Variants in BZW2 observed in about 807,000 individuals in gnomAD.
BZW2 encodes the protein eIF5-mimic protein 1.
BZW2 carries 23 observed loss-of-function variants against 53.2 expected under a neutral mutation model. The observed-to-expected ratio is 0.43, with a 90% CI of 0.31 to 0.61. BZW2 has a LOEUF of 0.61. BZW2 is among the 20% of genes least tolerant of loss of function. BZW2 has a pLI of 0.09. For synonymous variants in BZW2, 227 were observed against 186.4 expected (o/e 1.22, Z -1.77); for missense variants, 409 against 503.1 (o/e 0.81, Z 1.79).
intron 1 of BZW2, among the ~76,000 whole-genome samples, chr7:16,648,337 A>G (rs1373090141): frequency 6.6e-6 from 1 of 152,244 alleles, no homozygotes; most frequent in African/African-American, 2.4e-5. Context: ...CAACCCAGGA[A>G]TGAGCCAATA....
At chr7:16,656,330 T>C (rs545507990) in intron 1 of BZW2, among the ~76,000 whole-genome samples, 3 of 152,150 alleles carry the variant, frequency 2.0e-5, no homozygotes, top group East Asian at 1.9e-4. Flanking sequence ...TGTTTCCTCA[T>C]GATTAGCTAT....
At chr7:16,696,610 C>G (rs1783498275) in intron 8 of BZW2, among the ~76,000 whole-genome samples, 1 of 152,196 alleles carries the variant, frequency 6.6e-6, no homozygotes, top group African/African-American at 2.4e-5. Flanking sequence ...TCAAGTATCC[C>G]TACTCTACTA....
intron 2 of BZW2, among the ~76,000 whole-genome samples, chr7:16,666,020 C>G (rs1237166411): frequency 6.6e-6 from 1 of 152,062 alleles, no homozygotes; most frequent in African/African-American, 2.4e-5. Flanking sequence ...TTGATGATGA[C>G]TGGTAAAATT....
chr7:16,652,713 C>T (rs559099769), intron 1 of BZW2, among the ~76,000 whole-genome samples: 64 of 152,068 alleles, frequency 4.2e-4, no homozygotes, highest in African/African-American at 1.5e-3. Flanking sequence ...TTAGTACAGA[C>T]GGGGTTTCAC....
intron 6 of BZW2, 98 bp downstream of exon 6, chr7:16,686,138 A>G (rs764696546): frequency 3.3e-6 from 5 of 1,501,008 alleles, no homozygotes; most frequent in Non-Finnish European, 2.7e-6. Flanking sequence ...GGTGTCCTCT[A>G]TTACTCATTC....
chr7:16,658,238 T>A (rs1395340568), intron 1 of BZW2, among the ~76,000 whole-genome samples: 1 of 152,182 alleles, frequency 6.6e-6, no homozygotes, highest in African/African-American at 2.4e-5. Context: ...ATTCCTAGAA[T>A]GAAAGGATTT....
chr7:16,700,323 A>G (rs911260842), intron 10 of BZW2, among the ~76,000 whole-genome samples: 4 of 152,126 alleles, frequency 2.6e-5, no homozygotes, highest in Non-Finnish European at 5.9e-5. Context: ...TGTGTTAACT[A>G]TGTTTACCAT....
At chr7:16,701,932 G>C (rs565131472) in intron 10 of BZW2, among the ~76,000 whole-genome samples, 1 of 152,130 alleles carries the variant, frequency 6.6e-6, no homozygotes, top group African/African-American at 2.4e-5. Flanking sequence ...CACCTAACTT[G>C]TTAAAGGTAA....
chr7:16,661,283 A>G (rs966640524), intron 1 of BZW2: 1 of 152,140 alleles, frequency 6.6e-6, no homozygotes, highest in Admixed American at 6.5e-5. Flanking sequence ...GTTTCTTTCC[A>G]AAATGGAGAG....
chr7:16,673,253 A>G (rs1482734681), intron 2 of BZW2, among the ~76,000 whole-genome samples: 3 of 152,064 alleles, frequency 2.0e-5, no homozygotes, highest in Non-Finnish European at 4.4e-5. Context: ...GCCTTGTCTT[A>G]TCCACTTTCT....
intron 1 of BZW2, among the ~76,000 whole-genome samples, chr7:16,650,106 G>A (rs771215853): frequency 7.2e-5 from 11 of 151,996 alleles, no homozygotes; most frequent in Non-Finnish European, 1.5e-4. Context: ...TCATTTAAGT[G>A]TTAAAACAGT....
intron 3 of BZW2, among the ~76,000 whole-genome samples, chr7:16,677,526 A>G (rs1365932418): frequency 2.6e-5 from 4 of 152,166 alleles, no homozygotes; most frequent in African/African-American, 7.2e-5. Flanking sequence ...GGTGCCTTCA[A>G]TGTCATTAAC....
intron 1 of BZW2, 141 bp from the exon 2 acceptor site, chr7:16,665,296 T>G: frequency 1.0e-6 from 1 of 999,132 alleles, no homozygotes; most frequent in Non-Finnish European, 1.5e-6. Flanking sequence ...ACAGCGAGAC[T>G]CTGTCTCAAT....
At chr7:16,702,240 C>A (rs1189774019) in intron 10 of BZW2, among the ~76,000 whole-genome samples, 1 of 152,086 alleles carries the variant, frequency 6.6e-6, no homozygotes, top group Non-Finnish European at 1.5e-5. Flanking sequence ...TCAGACCTTT[C>A]CTTTCACTAA....
intron 7 of BZW2, among the ~76,000 whole-genome samples, chr7:16,693,663 T>G (rs1401220910): frequency 2.0e-5 from 3 of 152,190 alleles, no homozygotes; most frequent in Non-Finnish European, 4.4e-5. Context: ...TAGAAGAAAC[T>G]CAATAAAAAT....
At chr7:16,688,732 A>T (rs1783207681) in intron 6 of BZW2, 1 of 152,194 alleles carries the variant, frequency 6.6e-6, no homozygotes, top group Non-Finnish European at 1.5e-5. Flanking sequence ...AAATTTAGAA[A>T]TTTGAAGTGT....
intron 3 of BZW2, among the ~76,000 whole-genome samples, chr7:16,677,807 T>C (rs1422855132): frequency 6.6e-6 from 1 of 152,112 alleles, no homozygotes; most frequent in African/African-American, 2.4e-5. Context: ...GGCGTCTGGG[T>C]GCTATCAATG....
intron 7 of BZW2, among the ~76,000 whole-genome samples, chr7:16,692,300 T>G (rs1783334250): frequency 6.6e-6 from 1 of 152,154 alleles, no homozygotes; most frequent in South Asian, 2.1e-4. Context: ...CTTCCATTAT[T>G]TATTCAATAA....
intron 7 of BZW2, 130 bp downstream of exon 7, chr7:16,690,036 G>T: frequency 2.0e-6 from 1 of 507,412 alleles, no homozygotes; most frequent in Admixed American, 4.1e-5. Context: ...TTTTATTTCT[G>T]TGTAATTGGT....
Sources: gnomAD v4.1 joint callset for allele counts (sites outside exome capture counted in the v4.1 genomes callset) on GRCh38, gnomAD v4.1.1 for gene constraint, MANE v1.5 for transcripts, NCBI Gene and HGNC (gene_info 2026-07-23, HGNC 2026-07-21) for gene names.